Variants in LRRC39 observed in about 807,000 individuals in gnomAD.
LRRC39 encodes the protein leucine-rich repeat-containing protein 39.
LRRC39 carries 35 observed loss-of-function variants against 39.7 expected under a neutral mutation model. The ratio of observed to expected loss-of-function variants is 0.88; its 90% confidence interval spans 0.67 to 1.17. The LOEUF is 1.17. LRRC39 is among the 50% of genes most tolerant of loss of function. The pLI, the probability that LRRC39 is intolerant of heterozygous loss-of-function variation, is 0.00. For synonymous variants in LRRC39, 113 were observed against 134.1 expected (o/e 0.84, Z 1.09); for missense variants, 357 against 385.8 (o/e 0.93, Z 0.62).
At chr1:100,160,599 C>T (rs1658800749) in intron 3 of LRRC39, 28 bp from the exon 4 acceptor site, 1 of 1,523,268 alleles carries the variant, frequency 6.6e-7, no homozygotes. Flanking sequence ...CATTTTAGTT[C>T]ATAGACAATT....
At chr1:100,149,960 C>G (rs932145620) in intron 9 of LRRC39, 3 of 152,552 alleles carry the variant, frequency 2.0e-5, no homozygotes, top group African/African-American at 7.2e-5. Flanking sequence ...ATTTAAAATT[C>G]CTGACTTTAG....
intron 3 of LRRC39, among the ~76,000 whole-genome samples, chr1:100,167,821 AATAATG>A (rs1383136391): frequency 5.6e-4 from 81 of 143,688 alleles, no homozygotes; most frequent in African/African-American, 2.0e-3. Flanking sequence ...TAATAATAAT[AATAATG>A]ATAGAAAGAG....
At chr1:100,156,367 A>G (rs1434175164) in intron 6 of LRRC39, 50 bp from the exon 7 acceptor site, 1 of 1,518,778 alleles carries the variant, frequency 6.6e-7, no homozygotes, top group Non-Finnish European at 8.9e-7. Flanking sequence ...AATGTAAACT[A>G]CTAAAAGACT....
chr1:100,166,610 T>C (rs1659266798), intron 3 of LRRC39, among the ~76,000 whole-genome samples: 1 of 152,200 alleles, frequency 6.6e-6, no homozygotes, highest in Non-Finnish European at 1.5e-5. Context: ...AGGGAAGACA[T>C]TTCTAAGCAG....
intron 2 of LRRC39, among the ~76,000 whole-genome samples, chr1:100,171,284 A>G (rs1266605757): frequency 6.6e-6 from 1 of 152,174 alleles, no homozygotes; most frequent in African/African-American, 2.4e-5. Context: ...ACAATGACAG[A>G]ATACATAATG....
Position 100,148,696 on chromosome 1 carries a change from A to G in LRRC39, c.*346T>C. ...TTGCTGATTGACCAAGGTCGAATCC[A>G]GTATTTGCAGCAGAAGGGATTCAGT... On this transcript the variant is annotated 3_prime_UTR_variant, in exon 10 of 10. Transcript: ENST00000370137. The G allele has an allele frequency of 6.2e-7, 1 of 1,613,388 alleles. No homozygotes were observed. Among genetic ancestry groups the G allele is most frequent in the South Asian group, 1.1e-5 (1 of 90,904 alleles).
chr1:100,171,620 A>G (rs955348535), intron 2 of LRRC39, among the ~76,000 whole-genome samples: 12 of 148,794 alleles, frequency 8.1e-5, no homozygotes, highest in African/African-American at 2.7e-4. Context: ...CTCCTGCTTC[A>G]GCCTTCCAAG....
At position 100,168,455 on chromosome 1, in the gene LRRC39, C is replaced by T. The variant is rs140092228; in HGVS notation, c.62G>A (p.Arg21Lys). The T allele has an allele frequency of 6.2e-7, 1 of 1,612,430 alleles. No individual in the cohort carries two copies. The change falls in exon 3 of 10, where the codon AGA becomes AAA. Residue 21 changes from arginine to lysine, a missense_variant. Transcript: ENST00000370137. The stretch of plus-strand genomic sequence containing the variant: ...CAGGTCTTCATTGAGTTTCTTTATT[C>T]TTTTTTCCCAAACTTCCTTTACAGC... ...VNAVKEVWEK[R>K]IKKLNEDLKR... is the part of the protein sequence containing the mutation.
At position 100,168,491 on chromosome 1, in the gene LRRC39, C is replaced by T. The variant is rs762205610; in HGVS notation, c.26G>A (p.Gly9Glu). Reference protein sequence around the residue: MTENVVCTGAVNAVKEVWE... With the variant: MTENVVCTEAVNAVKEVWE... ...AACTTCCTTTACAGCATTGACAGCC[C>T]CAGTACAAACCACATTTTCTGTCAT... Residue 9 changes from glycine (G) to glutamate (E), a missense_variant, in exon 3 of 10, where the codon GGG becomes GAG. Gly to Glu is a moderately conservative substitution (Grantham distance 98). Transcript: ENST00000370137. The T allele has an allele frequency of 1.1e-5, 18 of 1,610,196 alleles. No homozygotes were observed. In the South Asian group the frequency reaches 1.7e-4, roughly 15 times the overall value.
intron 3 of LRRC39, among the ~76,000 whole-genome samples, chr1:100,161,521 A>G (rs1658877580): frequency 6.6e-6 from 1 of 152,068 alleles, no homozygotes; most frequent in Non-Finnish European, 1.5e-5. Flanking sequence ...GGTTAATTCC[A>G]CTATTGGCTA....
In LRRC39 at chr1:100,163,783, C is replaced by G. The variant is rs1659048228; in HGVS notation, c.114-3212G>C. Among the ~76,000 whole-genome samples, 3 of 151,952 alleles carry G rather than the reference C, an allele frequency of 2.0e-5. No homozygotes were observed. The South Asian group carries it at 6.2e-4, about 32-fold the overall frequency. Reference sequence around the variant, plus strand: ...CGAAATTTTATAACTCTTCTAAAACCCTTTTGAGGCCGGGCGTGGTGGCTC... The same window carrying G: ...CGAAATTTTATAACTCTTCTAAAACGCTTTTGAGGCCGGGCGTGGTGGCTC... On this transcript the variant is annotated intron_variant, in intron 3 of 9. Coordinates refer to ENST00000370137, the MANE Select transcript of LRRC39 (RefSeq NM_144620.4).
chr1:100,160,420 CACAAAAT>C, intron 4 of LRRC39, 39 bp downstream of exon 4: 1 of 1,508,972 alleles, frequency 6.6e-7, no homozygotes, highest in Non-Finnish European at 9.2e-7. Context: ...TCAACTGACT[CACAAAAT>C]GCAAAATGTG....
At chr1:100,171,047 A>C (rs1659566415) in intron 2 of LRRC39, among the ~76,000 whole-genome samples, 1 of 152,252 alleles carries the variant, frequency 6.6e-6, no homozygotes, top group Admixed American at 6.5e-5. Context: ...CAAGAAATAT[A>C]AAACAACTTT....
Position 100,159,355 on chromosome 1 carries a change from C to G in LRRC39, c.280G>C (p.Gly94Arg). Reference protein sequence around the residue: ...QLQEWQLHRTGLLKIPEFIGR... With the variant: ...QLQEWQLHRTRLLKIPEFIGR... ...ATGAATTCAGGAATTTTCAGCAAAC[C>G]AGTTCTATGAAGTTGCCATTCCTGT... The change falls in exon 5 of 10, where the codon GGT becomes CGT. Residue 94 changes from glycine (G) to arginine (R), a missense_variant. Coordinates refer to ENST00000370137, the MANE Select transcript of LRRC39 (RefSeq NM_144620.4). The G allele has an allele frequency of 6.2e-7, 1 of 1,611,586 alleles. No individual in the cohort carries two copies. The highest frequency in any genetic ancestry group is 1.7e-4 in the Middle Eastern group (1 of 6,054).
intron 2 of LRRC39, among the ~76,000 whole-genome samples, chr1:100,170,609 G>T (rs1050062488): frequency 6.6e-5 from 10 of 151,970 alleles, no homozygotes; most frequent in Admixed American, 3.9e-4. Context: ...CTAAAAGAGA[G>T]AATTTATATA....
chr1:100,168,015 C>A (rs1659364271), intron 3 of LRRC39, among the ~76,000 whole-genome samples: 5 of 152,006 alleles, frequency 3.3e-5, no homozygotes. Context: ...AGTGATCCAG[C>A]AGCTCTGGCT....
chr1:100,154,440 G>A (rs556386490), intron 8 of LRRC39, among the ~76,000 whole-genome samples: 3 of 152,244 alleles, frequency 2.0e-5, no homozygotes, highest in Non-Finnish European at 2.9e-5. Context: ...TAGGCAATAG[G>A]TTGGTTATGG....
chr1:100,162,098 G>A (rs374431228), intron 3 of LRRC39, among the ~76,000 whole-genome samples: 1 of 152,146 alleles, frequency 6.6e-6, no homozygotes, highest in African/African-American at 2.4e-5. Context: ...TCTAGTGGGT[G>A]CGAATGGTAT....
intron 6 of LRRC39, 66 bp downstream of exon 6, chr1:100,158,165 C>A: frequency 6.7e-7 from 1 of 1,500,384 alleles, no homozygotes; most frequent in South Asian, 1.2e-5. Context: ...TTGTTAACAA[C>A]CACACATTGA....
Sources: gnomAD v4.1 joint callset for allele counts (sites outside exome capture counted in the v4.1 genomes callset) on GRCh38, gnomAD v4.1.1 for gene constraint, MANE v1.5 for transcripts, NCBI Gene and HGNC (gene_info 2026-07-23, HGNC 2026-07-21) for gene names.